The following TULP4 variants were observed in gnomAD, a reference collection of about 807,000 sequenced individuals.
TULP4 encodes the protein TUB like protein 4, also known as tubby-related protein 4.
In TULP4, 16 loss-of-function variants were observed where a neutral mutation model predicts 129.0. That is an observed-to-expected ratio of 0.12 (90% CI 0.08 to 0.19). TULP4 has a LOEUF of 0.19. TULP4 is among the 10% of genes least tolerant of loss of function. The probability of loss-of-function intolerance (pLI) is 1.00; values close to 1 mark genes in which losing one functional copy is unlikely to be tolerated. For missense variants in TULP4, 1,842 were observed against 2,059.1 expected (o/e 0.89, Z 2.04); for synonymous variants, 998 against 854.0 (o/e 1.17, Z -2.94).
At chr6:158,408,733 G>A (rs916296203) in intron 1 of TULP4, among the ~76,000 whole-genome samples, 19 of 152,318 alleles carry the variant, frequency 1.2e-4, no homozygotes, top group Middle Eastern at 6.8e-3. Context: ...ATCTCTGGGG[G>A]CAGCAGTCTG....
intron 1 of TULP4, among the ~76,000 whole-genome samples, chr6:158,357,809 T>C (rs1010709672): frequency 2.0e-5 from 3 of 152,244 alleles, no homozygotes; most frequent in East Asian, 1.9e-4. Flanking sequence ...CTTCGCCCTC[T>C]CACCTCTTAA....
At position 158,336,080 on chromosome 6, in the gene TULP4, C is replaced by T. The variant is rs542296874; in HGVS notation, c.252+21812C>T. Among the ~76,000 whole-genome samples, 5 of 152,324 alleles carry T rather than the reference C, an allele frequency of 3.3e-5. No individual in the cohort carries two copies. The South Asian group carries it at 1.0e-3, about 32-fold the overall frequency. ...GCAATTTATGAGAATACCATTTTCT[C>T]CCACAGCTTCACCCATAGTATATTA... On this transcript the variant is annotated intron_variant, in intron 1 of 13. Transcript: ENST00000367097.
At chr6:158,475,923 A>G (rs2128248439) in intron 6 of TULP4, among the ~76,000 whole-genome samples, 1 of 152,378 alleles carries the variant, frequency 6.6e-6, no homozygotes, top group Non-Finnish European at 1.5e-5. Flanking sequence ...ACTTTTAAAA[A>G]GTAAGATGAC....
At chr6:158,292,480 T>TA (rs1284590840) in intron 1 of TULP4, among the ~76,000 whole-genome samples, 1 of 152,204 alleles carries the variant, frequency 6.6e-6, no homozygotes, top group Non-Finnish European at 1.5e-5. Flanking sequence ...GTCCAGCAAT[T>TA]AAAAATTACA....
At chr6:158,375,417 C>T (rs951236466) in intron 1 of TULP4, among the ~76,000 whole-genome samples, 1 of 152,064 alleles carries the variant, frequency 6.6e-6, no homozygotes, top group Non-Finnish European at 1.5e-5. Flanking sequence ...GTGGTCTTTC[C>T]CTCAGTGATG....
Position 158,503,022 on chromosome 6 carries a change from C to T in TULP4, c.3359C>T (p.Pro1120Leu), listed in dbSNP as rs752540841. 1 of 1,614,160 alleles carries T rather than the reference C, an allele frequency of 6.2e-7. No individual in the cohort carries two copies. The highest frequency in any genetic ancestry group is 1.1e-5 in the South Asian group (1 of 91,086). The change falls in exon 13 of 14, where the codon CCC becomes CTC. Residue 1120 changes from proline to leucine, a missense_variant. Pro to Leu is a moderately conservative substitution (Grantham distance 98, BLOSUM62 -3). This residue lies in a region of TULP4 where 1,089 missense variants were observed against 987.1 expected (regional missense o/e 1.10). Transcript: ENST00000367097. This position sits in a 1 kb window ranked among gnomAD's most constrained non-coding sequence, Gnocchi z 4.3. ...PEAAVTLKRP[P>L]PYQWDPMLGE... is the part of the protein sequence containing the mutation. ...GCTGCTGTCACCCTGAAACGGCCAC[C>T]CCCTTACCAGTGGGACCCCATGCTG...
At chr6:158,458,047 A>C (rs1036408113) in intron 5 of TULP4, among the ~76,000 whole-genome samples, 1 of 152,164 alleles carries the variant, frequency 6.6e-6, no homozygotes, top group Non-Finnish European at 1.5e-5. Flanking sequence ...TGCATGTCTA[A>C]TGACTAATAA....
At chr6:158,487,184 A>C (rs992022239) in intron 8 of TULP4, among the ~76,000 whole-genome samples, 1 of 105,664 alleles carries the variant, frequency 9.5e-6, no homozygotes. Flanking sequence ...AGGCTGAGGC[A>C]GGAGATGGAG....
At chr6:158,287,767 A>C (rs1423478455) in intron 1 of TULP4, among the ~76,000 whole-genome samples, 1 of 152,204 alleles carries the variant, frequency 6.6e-6, no homozygotes, top group Non-Finnish European at 1.5e-5. Context: ...CAGGCAGTAA[A>C]TATATTCATA....
chr6:158,439,902 G>A (rs1433754342), intron 3 of TULP4, among the ~76,000 whole-genome samples: 7 of 151,264 alleles, frequency 4.6e-5, no homozygotes, highest in African/African-American at 1.5e-4. Flanking sequence ...TTGTAGAGGC[G>A]GGGTTTCACT....
intron 2 of TULP4, among the ~76,000 whole-genome samples, chr6:158,415,778 C>T (rs1228205256): frequency 1.3e-5 from 2 of 151,940 alleles, no homozygotes; most frequent in Non-Finnish European, 2.9e-5. Context: ...TATGTTACTG[C>T]CCCTTGTGTT....
chr6:158,268,510 A>C (rs1778491431), intron 1 of TULP4, among the ~76,000 whole-genome samples: 1 of 152,178 alleles, frequency 6.6e-6, no homozygotes, highest in South Asian at 2.1e-4. Flanking sequence ...GTTGCTCACA[A>C]TCCTGGGAGC....
At chr6:158,382,330 C>T (rs1777346301) in intron 1 of TULP4, among the ~76,000 whole-genome samples, 1 of 152,096 alleles carries the variant, frequency 6.6e-6, no homozygotes, top group South Asian at 2.1e-4. Flanking sequence ...AAGTAGAGGG[C>T]AAGGAATGGG....
intron 1 of TULP4, among the ~76,000 whole-genome samples, chr6:158,391,192 G>C (rs6919844): frequency 0.18 from 27,462 of 152,180 alleles, 3,141 homozygotes; most frequent in Middle Eastern, 0.26. Context: ...TGTAGTGTTT[G>C]GGGGGCAGGT....
rs115143063 is a variant in TULP4 at position 158,440,614 on chromosome 6, A to C, written c.544-8382A>C. On this transcript the variant is annotated intron_variant, in intron 3 of 13. Transcript: ENST00000367097. Reference sequence around the variant, plus strand: ...CCATCTTTATTTTAAGCCCTGAACTAAACATATATAGGAATGGTTCTTGTC... The same window carrying C: ...CCATCTTTATTTTAAGCCCTGAACTCAACATATATAGGAATGGTTCTTGTC... Among the ~76,000 whole-genome samples the C allele has an allele frequency of 4.0e-3, 608 of 152,340 alleles. 3 individuals carry two copies. Among genetic ancestry groups the C allele is most frequent in the African/African-American group, 0.014 (577 of 41,586 alleles).
intron 1 of TULP4, among the ~76,000 whole-genome samples, chr6:158,328,107 T>G (rs927181248): frequency 2.0e-3 from 181 of 91,790 alleles, no homozygotes; most frequent in Non-Finnish European, 3.2e-3. Flanking sequence ...TGTGTGTGTG[T>G]GTGTGTGTGT....
At position 158,400,437 on chromosome 6, in the gene TULP4, TTA is replaced by T. The variant is rs796535423; in HGVS notation, c.253-12625_253-12624del. 2.6e-5 allele frequency among the ~76,000 whole-genome samples: 4 copies of T among 152,210 alleles called. No individual in the cohort carries two copies. The South Asian group carries it at 8.3e-4, about 31-fold the overall frequency. On this transcript the variant is annotated intron_variant, in intron 1 of 13. Transcript: ENST00000367097. ...TTGTCAATCAGATGGATTCATTCTA[TTA>T]TACAGTAACATCTCAAGGTGTAGTG...
chr6:158,450,752 G>GA (rs11340391), intron 4 of TULP4, among the ~76,000 whole-genome samples: 35 of 146,952 alleles, frequency 2.4e-4, no homozygotes, highest in Admixed American at 4.8e-4. Flanking sequence ...TTTTATTATT[G>GA]AAAAAAAAAA....
chr6:158,490,265 G>A (rs913346266), intron 9 of TULP4, among the ~76,000 whole-genome samples: 2 of 152,108 alleles, frequency 1.3e-5, no homozygotes, highest in Non-Finnish European at 2.9e-5. Context: ...GCGTGGTGGC[G>A]GGTGCCTGTA....
Sources: allele counts gnomAD v4.1 joint callset (sites outside exome capture counted in the v4.1 genomes callset), GRCh38; gene constraint gnomAD v4.1.1; regional missense constraint gnomAD v4.1.1; non-coding constraint Gnocchi (gnomAD v3.1); transcripts MANE v1.5; gene names NCBI Gene and HGNC (gene_info 2026-07-23, HGNC 2026-07-21).